The following CNTNAP5 variants were observed in gnomAD, a reference collection of about 807,000 sequenced individuals.
CNTNAP5 encodes the protein contactin associated protein family member 5, also known as contactin-associated protein-like 5.
A neutral mutation model predicts 150.2 loss-of-function variants in CNTNAP5; 72 were observed. That is an observed-to-expected ratio of 0.48 (90% confidence interval 0.40 to 0.58). CNTNAP5 has a LOEUF of 0.58. Ranked by LOEUF, CNTNAP5 falls within the 20% of genes least tolerant of loss-of-function variation. The pLI, the probability that CNTNAP5 is intolerant of heterozygous loss-of-function variation, is 0.00. For missense variants in CNTNAP5, 1,636 were observed against 1,626.2 expected (o/e 1.01, Z -0.10); for synonymous variants, 672 against 619.8 (o/e 1.08, Z -1.25).
intron 20 of CNTNAP5, among the ~76,000 whole-genome samples, chr2:124,866,981 C>T (rs1448090494): frequency 5.9e-5 from 9 of 152,122 alleles, no homozygotes; most frequent in African/African-American, 2.2e-4. Flanking sequence ...GAGCACATTA[C>T]CTACCTACCA....
chr2:124,747,082 G>C (rs1173913757), intron 13 of CNTNAP5, 147 bp from the exon 14 acceptor site: 1 of 618,396 alleles, frequency 1.6e-6, no homozygotes, highest in African/African-American at 1.9e-5. Flanking sequence ...GGGAAGGGGG[G>C]ATGTGAGGGA....
intron 3 of CNTNAP5, among the ~76,000 whole-genome samples, chr2:124,393,970 G>A (rs1457560712): frequency 6.6e-6 from 1 of 152,284 alleles, no homozygotes; most frequent in East Asian, 1.9e-4. Flanking sequence ...AAAATGTTTT[G>A]GGTAAGTTAG....
intron 11 of CNTNAP5, among the ~76,000 whole-genome samples, chr2:124,579,617 C>A (rs1696366805): frequency 6.6e-6 from 1 of 152,184 alleles, no homozygotes; most frequent in African/African-American, 2.4e-5. Context: ...CTCCCTGGTG[C>A]ACTGTATTTT....
At chr2:124,078,170 T>G (rs185671419) in intron 1 of CNTNAP5, among the ~76,000 whole-genome samples, 17 of 152,350 alleles carry the variant, frequency 1.1e-4, no homozygotes, top group African/African-American at 4.1e-4. Context: ...AAATTCTGTT[T>G]TCTTATGAAT....
At chr2:124,221,598 C>T in intron 1 of CNTNAP5, 107 bp from the exon 2 acceptor site, 1 of 731,748 alleles carries the variant, frequency 1.4e-6, no homozygotes, top group African/African-American at 1.7e-5. Context: ...TTGTTCAGAG[C>T]AGGTGGTTAA....
intron 21 of CNTNAP5, among the ~76,000 whole-genome samples, chr2:124,882,794 C>G (rs1677993457): frequency 6.6e-6 from 1 of 151,984 alleles, no homozygotes; most frequent in Non-Finnish European, 1.5e-5. Flanking sequence ...TTCCACGTGG[C>G]TGGGGAGGCC....
At chr2:124,436,184 C>T (rs552440437) in intron 5 of CNTNAP5, among the ~76,000 whole-genome samples, 4 of 152,220 alleles carry the variant, frequency 2.6e-5, no homozygotes, top group Admixed American at 6.5e-5. Context: ...AATAGTAAAG[C>T]GAGTGTCTTC....
chr2:124,367,073 A>C (rs1190193606), intron 3 of CNTNAP5, among the ~76,000 whole-genome samples: 4 of 152,202 alleles, frequency 2.6e-5, no homozygotes, highest in Non-Finnish European at 4.4e-5. Context: ...AGAGAAAAGA[A>C]AAAAGGTAAC....
At chr2:124,764,464 C>T (rs1370828995) in intron 16 of CNTNAP5, among the ~76,000 whole-genome samples, 5 of 152,128 alleles carry the variant, frequency 3.3e-5, no homozygotes, top group African/African-American at 9.7e-5. Flanking sequence ...TGACACTTTC[C>T]ATGCAAAGCT....
chr2:124,284,659 C>A (rs1688101000), intron 3 of CNTNAP5, among the ~76,000 whole-genome samples: 1 of 152,058 alleles, frequency 6.6e-6, no homozygotes, highest in South Asian at 2.1e-4. Flanking sequence ...AAAAAGAGAG[C>A]ATCTTGTGTT....
chr2:124,110,505 A>T (rs901341941), intron 1 of CNTNAP5, among the ~76,000 whole-genome samples: 3 of 152,186 alleles, frequency 2.0e-5, no homozygotes, highest in Admixed American at 2.0e-4. Flanking sequence ...AATTAATAAT[A>T]ATTATTATGG....
intron 3 of CNTNAP5, among the ~76,000 whole-genome samples, chr2:124,259,531 C>T (rs1687399965): frequency 6.6e-6 from 1 of 152,142 alleles, no homozygotes; most frequent in South Asian, 2.1e-4. Context: ...TGTTTCCTGA[C>T]TTTTTAATGA....
chr2:124,647,935 G>C lies in CNTNAP5; in HGVS notation c.2054G>C (p.Arg685Thr). The C allele has an allele frequency of 6.2e-7, 1 of 1,603,856 alleles. No individual in the cohort carries two copies. The highest frequency in any genetic ancestry group is 8.5e-7 in the Non-Finnish European group (1 of 1,175,742). Residue 685 changes from arginine to threonine, a missense_variant, in exon 13 of 24, where the codon AGG becomes ACG. By Grantham distance (71) the Arg-to-Thr change is moderately conservative. Coordinates refer to ENST00000682447, the MANE Select transcript of CNTNAP5 (RefSeq NM_001367498.1). ...CAGGAGGTGGCCTACCACTGCAGGAGGTCCCGCCTGCTCAACACGCCGGGT... is the reference window on the plus strand; with the variant it reads ...CAGGAGGTGGCCTACCACTGCAGGACGTCCCGCCTGCTCAACACGCCGGGT... ...CEQEVAYHCR[R>T]SRLLNTPDGT... is the part of the protein sequence containing the mutation.
intron 11 of CNTNAP5, among the ~76,000 whole-genome samples, chr2:124,597,651 T>C (rs1315002823): frequency 2.0e-5 from 3 of 150,080 alleles, no homozygotes; most frequent in Non-Finnish European, 3.0e-5. Context: ...GGAGTATCTT[T>C]GTGGCGTTCT....
chr2:124,771,932 C>T (rs934154921), intron 16 of CNTNAP5, among the ~76,000 whole-genome samples: 2 of 151,930 alleles, frequency 1.3e-5, no homozygotes, highest in Non-Finnish European at 2.9e-5. Flanking sequence ...CTCACCACCA[C>T]CACTATCACC....
chr2:124,273,048 C>T (rs964946655), intron 3 of CNTNAP5, among the ~76,000 whole-genome samples: 3 of 152,140 alleles, frequency 2.0e-5, no homozygotes, highest in Non-Finnish European at 4.4e-5. Flanking sequence ...TACTCACTAG[C>T]TGTGCAGCCT....
intron 3 of CNTNAP5, among the ~76,000 whole-genome samples, chr2:124,261,030 CA>C (rs1176228668): frequency 6.6e-6 from 1 of 151,988 alleles, no homozygotes; most frequent in Non-Finnish European, 1.5e-5. Context: ...AAATACACCT[CA>C]AATTTTATAA....
rs117509807 is a variant in CNTNAP5 at position 124,502,936 on chromosome 2, G to T, written c.1063-1356G>T. 1.4e-3 allele frequency among the ~76,000 whole-genome samples: 207 copies of T among 152,240 alleles called. 2 individuals are homozygous for T. In the East Asian group the frequency reaches 0.028, roughly 20 times the overall value. The stretch of plus-strand genomic sequence containing the variant: ...TGCTAAGTTATTTATTCTAAGTCTG[G>T]CTTGTGCACCCTTTAAATGAAGAAA... On this transcript the variant is annotated intron_variant, in intron 7 of 23. Coordinates refer to ENST00000682447, the MANE Select transcript of CNTNAP5 (RefSeq NM_001367498.1).
chr2:124,140,070 G>A (rs909577789), intron 1 of CNTNAP5, among the ~76,000 whole-genome samples: 47 of 151,960 alleles, frequency 3.1e-4, no homozygotes, highest in Non-Finnish European at 2.5e-4. Context: ...CGAATATTGC[G>A]CTTTTCAGAC....
Sources: allele counts gnomAD v4.1 joint callset (sites outside exome capture counted in the v4.1 genomes callset), GRCh38; gene constraint gnomAD v4.1.1; transcripts MANE v1.5; gene names NCBI Gene and HGNC (gene_info 2026-07-23, HGNC 2026-07-21).